LIN7A: variants seen among roughly 807,000 people sequenced by gnomAD.
LIN7A encodes protein lin-7 homolog A.
Under a neutral mutation model 29.8 loss-of-function variants are expected in LIN7A, and 25 were observed. The observed-to-expected ratio is 0.84, with a 90% confidence interval of 0.61 to 1.17. The LOEUF (loss-of-function observed/expected upper bound fraction) is 1.17. LIN7A is among the 50% of genes most tolerant of loss of function. The pLI is 0.00. For missense variants in LIN7A, 239 were observed against 287.0 expected (o/e 0.83, Z 1.21); for synonymous variants, 118 against 107.5 (o/e 1.10, Z -0.60).
chr12:80,853,051 C>T (rs11114638), intron 2 of LIN7A, among the ~76,000 whole-genome samples: 16,175 of 152,204 alleles, frequency 0.11, 966 homozygotes, highest in Middle Eastern at 0.21. Context: ...TTACATGGAA[C>T]TTCTAAGTGC....
intron 2 of LIN7A, among the ~76,000 whole-genome samples, chr12:80,884,081 A>C (rs1875204827): frequency 6.6e-6 from 1 of 152,254 alleles, no homozygotes; most frequent in African/African-American, 2.4e-5. Flanking sequence ...ATAATCAAGA[A>C]GCAAATAAAA....
At chr12:80,839,314 G>C (rs1872708336) in intron 4 of LIN7A, among the ~76,000 whole-genome samples, 1 of 152,218 alleles carries the variant, frequency 6.6e-6, no homozygotes, top group Non-Finnish European at 1.5e-5. Context: ...GATTGGGCAA[G>C]TTGCTTGATC....
At chr12:80,872,179 T>C (rs1461157138) in intron 2 of LIN7A, among the ~76,000 whole-genome samples, 1 of 152,214 alleles carries the variant, frequency 6.6e-6, no homozygotes, top group East Asian at 1.9e-4. Context: ...AAATCAACAT[T>C]TTAAGTCAAC....
intron 1 of LIN7A, among the ~76,000 whole-genome samples, chr12:80,905,787 A>G (rs1447444428): frequency 6.6e-6 from 1 of 151,944 alleles, no homozygotes; most frequent in Admixed American, 6.6e-5. Context: ...TTAATATTAT[A>G]TTGCTGTATT....
intron 5 of LIN7A, among the ~76,000 whole-genome samples, chr12:80,799,112 A>T (rs1870597107): frequency 6.6e-6 from 1 of 152,180 alleles, no homozygotes; most frequent in Non-Finnish European, 1.5e-5. Context: ...GGTGAATTTT[A>T]GTAAGTCTTG....
At chr12:80,921,839 T>G (rs1318893625) in intron 1 of LIN7A, among the ~76,000 whole-genome samples, 1 of 152,200 alleles carries the variant, frequency 6.6e-6, no homozygotes, top group Non-Finnish European at 1.5e-5. Context: ...GAAATTAATG[T>G]CTGCCTGGTC....
intron 2 of LIN7A, among the ~76,000 whole-genome samples, chr12:80,851,215 A>G (rs1873314569): frequency 1.3e-5 from 2 of 152,102 alleles, no homozygotes; most frequent in African/African-American, 4.8e-5. Flanking sequence ...CTACCATTAA[A>G]CAAGTGAGGG....
chr12:80,899,766 TTTTC>T (rs1443388583), intron 1 of LIN7A, among the ~76,000 whole-genome samples: 3 of 40,126 alleles, frequency 7.5e-5, no homozygotes, highest in Non-Finnish European at 4.3e-4. Flanking sequence ...TCTTTTTTTC[TTTTC>T]TTTTTTTTTT....
intron 2 of LIN7A, among the ~76,000 whole-genome samples, chr12:80,865,419 A>G (rs1344085002): frequency 6.6e-6 from 1 of 152,178 alleles, no homozygotes; most frequent in Non-Finnish European, 1.5e-5. Flanking sequence ...TTATCATCTT[A>G]CTTAAAGATG....
chr12:80,915,154 A>C (rs1396063497), intron 1 of LIN7A, among the ~76,000 whole-genome samples: 6 of 95,232 alleles, frequency 6.3e-5, no homozygotes, highest in Middle Eastern at 8.8e-3. Context: ...TCAACAAGCA[A>C]AAAAAAAAAA....
At chr12:80,866,362 G>A (rs1432683635) in intron 2 of LIN7A, among the ~76,000 whole-genome samples, 2 of 152,100 alleles carry the variant, frequency 1.3e-5, no homozygotes, top group African/African-American at 4.8e-5. Flanking sequence ...AACTATGAAA[G>A]CATTTTGTTG....
At chr12:80,869,684 A>G (rs1378577290) in intron 2 of LIN7A, among the ~76,000 whole-genome samples, 2 of 152,072 alleles carry the variant, frequency 1.3e-5, no homozygotes, top group Non-Finnish European at 2.9e-5. Context: ...TAGTATAGGT[A>G]TTGTCAGAGA....
At chr12:80,909,971 A>G (rs2120794104) in intron 1 of LIN7A, among the ~76,000 whole-genome samples, 1 of 152,114 alleles carries the variant, frequency 6.6e-6, no homozygotes, top group South Asian at 2.1e-4. Context: ...TTTAATAATG[A>G]TTTGGGAAAA....
At chr12:80,931,220 AC>A (rs1231190587) in intron 1 of LIN7A, among the ~76,000 whole-genome samples, 12 of 152,358 alleles carry the variant, frequency 7.9e-5, no homozygotes, top group African/African-American at 2.9e-4. Context: ...TGACAGGAGC[AC>A]ACCAAATACA....
chr12:80,823,899 A>G (rs1047643483), intron 4 of LIN7A, among the ~76,000 whole-genome samples: 5 of 152,230 alleles, frequency 3.3e-5, no homozygotes, highest in African/African-American at 4.8e-5. Flanking sequence ...ACTTCATAGC[A>G]TTAAATGCCT....
At chr12:80,893,534 C>T (rs1875734820) in intron 1 of LIN7A, among the ~76,000 whole-genome samples, 1 of 152,164 alleles carries the variant, frequency 6.6e-6, no homozygotes, top group Admixed American at 6.5e-5. Flanking sequence ...TTCTATTACA[C>T]CACAGGCCTT....
intron 2 of LIN7A, among the ~76,000 whole-genome samples, chr12:80,886,268 T>G (rs1317297939): frequency 6.6e-6 from 1 of 151,894 alleles, no homozygotes; most frequent in Non-Finnish European, 1.5e-5. Context: ...TATTCTAGGC[T>G]CACTATAATG....
chr12:80,826,916 T>G (rs980958084), intron 4 of LIN7A, among the ~76,000 whole-genome samples: 1 of 152,204 alleles, frequency 6.6e-6, no homozygotes, highest in Non-Finnish European at 1.5e-5. Context: ...GGCAGGGACC[T>G]TGCTACATTG....
intron 2 of LIN7A, among the ~76,000 whole-genome samples, chr12:80,885,552 T>A (rs551644825): frequency 5.9e-5 from 9 of 152,230 alleles, no homozygotes; most frequent in African/African-American, 2.2e-4. Flanking sequence ...AAAACATGAC[T>A]AAGAAAAGTG....
Sources: allele counts gnomAD v4.1 joint callset (sites outside exome capture counted in the v4.1 genomes callset), GRCh38; gene constraint gnomAD v4.1.1; transcripts MANE v1.5; gene names NCBI Gene and HGNC (gene_info 2026-07-23, HGNC 2026-07-21).